The following TVP23B variants were observed in gnomAD, a reference collection of about 807,000 sequenced individuals.
TVP23B encodes Golgi apparatus membrane protein TVP23 homolog B.
Under a neutral mutation model 30.6 loss-of-function variants are expected in TVP23B, and 10 were observed. The observed-to-expected ratio is 0.33, with a 90% CI of 0.20 to 0.55. The LOEUF (loss-of-function observed/expected upper bound fraction) is 0.55. TVP23B is among the 20% of genes least tolerant of loss of function. The probability of loss-of-function intolerance (pLI) is 0.91; values close to 1 mark genes in which losing one functional copy is unlikely to be tolerated. For missense variants in TVP23B, 153 were observed against 243.2 expected, an observed-to-expected ratio of 0.63 and a Z score of 2.47; for synonymous variants, 67 against 83.1, an observed-to-expected ratio of 0.81 and a Z score of 1.06.
chr17:18,800,923 T>A (rs1448133867), intron 5 of TVP23B, among the ~76,000 whole-genome samples: 1 of 152,206 alleles, frequency 6.6e-6, no homozygotes. Flanking sequence ...AGTTCACTCT[T>A]ATGTCAGAGC....
Position 18,781,427 on chromosome 17 carries a change from C to T in TVP23B, c.12+122C>T, listed in dbSNP as rs1035183989. 6 of 1,499,170 alleles carry T rather than the reference C, an allele frequency of 4.0e-6. No individual in the cohort carries two copies. The African/African-American group carries it at 4.2e-5, about 10-fold the overall frequency. 92.9% of individuals were successfully genotyped at this position (1,499,170 alleles called of 1,614,324 possible). A position where few individuals can be genotyped will look rare whatever the true frequency, so the allele number is the denominator to read the frequency against. On this transcript the variant is annotated intron_variant, in intron 1 of 6. Transcript: ENST00000307767. Reference sequence around the variant, plus strand: ...CGAACTCGAGGAGGAGCGGGGCGGCCGGGAGTGGAGGGCTGTGGGTAGTTG... The same window carrying T: ...CGAACTCGAGGAGGAGCGGGGCGGCTGGGAGTGGAGGGCTGTGGGTAGTTG...
chr17:18,786,024 T>C (rs1268396130), intron 1 of TVP23B, among the ~76,000 whole-genome samples: 1 of 152,136 alleles, frequency 6.6e-6, no homozygotes, highest in Admixed American at 6.5e-5. Flanking sequence ...CTGATGCAGC[T>C]TCTAAACACC....
rs759884022 is a variant in TVP23B at position 18,790,980 on chromosome 17, C to T, written c.180C>T (p.Ser60=). 8.1e-6 allele frequency: 13 copies of T among 1,612,394 alleles called. No individual in the cohort carries two copies. Among genetic ancestry groups the T allele is most frequent in the Non-Finnish European group, 1.1e-5 (13 of 1,179,554 alleles). ...TTCTCTGTGGGTTGCTCAGCAGCAG[C>T]TTTATTACCTGTATGGTGACAATTA... The part of the protein sequence containing the change: ...VYLLCGLLSS[S]FITCMVTIIL... The change falls in exon 3 of 7, where the codon AGC becomes AGT. Residue 60 remains serine (S), a synonymous_variant. Transcript: ENST00000307767.
intron 5 of TVP23B, among the ~76,000 whole-genome samples, chr17:18,801,566 C>T (rs1254164217): frequency 6.6e-6 from 1 of 152,060 alleles, no homozygotes; most frequent in Non-Finnish European, 1.5e-5. Context: ...CTCTTGCTCT[C>T]TTGGCTGGGC....
chr17:18,798,910 T>C lies in TVP23B; in HGVS notation c.429T>C (p.Phe143=), dbSNP rs1419641433. Residue 143 remains phenylalanine (F), a synonymous_variant, in exon 5 of 7, where the codon TTT becomes TTC. Coordinates refer to ENST00000307767, the MANE Select transcript of TVP23B (RefSeq NM_016078.6). Reference sequence around the variant, plus strand: ...CAGTACTGTGGGTGATATTTGCTTTTAGTGCACTCTTCTCCTTCAGAGTAA... The same window carrying C: ...CAGTACTGTGGGTGATATTTGCTTTCAGTGCACTCTTCTCCTTCAGAGTAA... The part of the protein sequence containing the change: ...ACPVLWVIFA[F]SALFSFRVKW... 3 of 1,613,262 alleles carry C rather than the reference T, an allele frequency of 1.9e-6. No individual in the cohort carries two copies. Among genetic ancestry groups the C allele is most frequent in the Non-Finnish European group, 2.5e-6 (3 of 1,179,730 alleles).
chr17:18,791,991 AC>A, intron 3 of TVP23B, among the ~76,000 whole-genome samples: 1 of 152,338 alleles, frequency 6.6e-6, no homozygotes, highest in Non-Finnish European at 1.5e-5. Flanking sequence ...GTAAGATGTT[AC>A]AACCCTATTC....
intron 1 of TVP23B, among the ~76,000 whole-genome samples, chr17:18,786,454 G>T (rs1329630671): frequency 1.3e-5 from 2 of 150,928 alleles, no homozygotes; most frequent in African/African-American, 2.4e-5. Context: ...TTCAGTAGGG[G>T]AATGATAGGA....
intron 5 of TVP23B, among the ~76,000 whole-genome samples, chr17:18,802,837 T>TA (rs1348255160): frequency 6.6e-6 from 1 of 152,206 alleles, no homozygotes; most frequent in Non-Finnish European, 1.5e-5. Context: ...GGCATGTTGA[T>TA]ATATACATAC....
chr17:18,796,065 C>T (rs2151848940), intron 3 of TVP23B: 1 of 149,568 alleles, frequency 6.7e-6, no homozygotes, highest in South Asian at 2.1e-4. Flanking sequence ...CTAATAACTA[C>T]TTTCAAAGCA....
chr17:18,804,249 A>C lies in TVP23B; in HGVS notation c.574A>C (p.Lys192Gln). ...CAGCATGGCTACTTCATATTTTGGA[A>C]AGCAGTTTTTAAGACAAGTAAGTGT... ...LTSMATSYFG[K>Q]QFLRQNTGDD... Residue 192 changes from lysine (K) to glutamine (Q), a missense_variant, in exon 6 of 7, where the codon AAG becomes CAG. By Grantham distance (53) the Lys-to-Gln change is moderately conservative. Transcript: ENST00000307767. 1.2e-6 allele frequency: 2 copies of C among 1,605,280 alleles called. No homozygotes were observed. The highest frequency in any genetic ancestry group is 1.7e-4 in the Middle Eastern group (1 of 6,028).
At chr17:18,784,655 AAAG>A (rs1156879595) in intron 1 of TVP23B, among the ~76,000 whole-genome samples, 1 of 152,182 alleles carries the variant, frequency 6.6e-6, no homozygotes, top group Non-Finnish European at 1.5e-5. Flanking sequence ...GTCTCAAAAA[AAAG>A]AAAAAAAATA....
intron 5 of TVP23B, among the ~76,000 whole-genome samples, chr17:18,802,150 A>T (rs1272321937): frequency 6.6e-6 from 1 of 152,200 alleles, no homozygotes; most frequent in Non-Finnish European, 1.5e-5. Flanking sequence ...TGAACCCAGG[A>T]GGCAGAGTTT....
chr17:18,799,001 G>A (rs2036118003), intron 5 of TVP23B, 58 bp downstream of exon 5: 4 of 1,564,432 alleles, frequency 2.6e-6, no homozygotes, highest in Admixed American at 1.9e-5. Context: ...GGTAATCATA[G>A]GAAGCAACAA....
rs74745929 is a variant in TVP23B at position 18,781,221 on chromosome 17, C to T, written c.-73C>T. 1.3e-6 allele frequency: 2 copies of T among 1,543,502 alleles called. No homozygotes were observed. Among genetic ancestry groups the T allele is most frequent in the East Asian group, 4.9e-5 (2 of 41,044 alleles). On this transcript the variant is annotated 5_prime_UTR_variant, in exon 1 of 7. Coordinates refer to ENST00000307767, the MANE Select transcript of TVP23B (RefSeq NM_016078.6). ...CTGCTGGCCCTTGGTGACGGGTCGC[C>T]TCAGTTCCGACCCGGACCCGTACGC...
intron 3 of TVP23B, among the ~76,000 whole-genome samples, chr17:18,792,583 A>G (rs1359402537): frequency 6.6e-6 from 1 of 152,240 alleles, no homozygotes; most frequent in Non-Finnish European, 1.5e-5. Context: ...TGTTCAGCCA[A>G]ATAGAACATG....
intron 1 of TVP23B, among the ~76,000 whole-genome samples, chr17:18,786,083 T>TCA (rs1171773370): frequency 6.6e-6 from 1 of 152,192 alleles, no homozygotes. Context: ...TCTTCAAATC[T>TCA]CTGTCTCTCA....
At chr17:18,787,711 G>T (rs1185091723) in intron 1 of TVP23B, among the ~76,000 whole-genome samples, 1 of 152,204 alleles carries the variant, frequency 6.6e-6, no homozygotes, top group Admixed American at 6.5e-5. Context: ...AGACCATGTA[G>T]TAACAGTATT....
intron 5 of TVP23B, among the ~76,000 whole-genome samples, chr17:18,799,825 C>T (rs527367181): frequency 2.6e-5 from 4 of 151,348 alleles, no homozygotes; most frequent in Non-Finnish European, 5.9e-5. Flanking sequence ...TATGTTTTTC[C>T]TCCTAATTTG....
intron 1 of TVP23B, among the ~76,000 whole-genome samples, chr17:18,785,049 ACCAAG>A (rs2035878940): frequency 6.6e-6 from 1 of 152,138 alleles, no homozygotes; most frequent in South Asian, 2.1e-4. Context: ...TCCATCTTAG[ACCAAG>A]CCATTACTTC....
Sources: allele counts gnomAD v4.1 joint callset (sites outside exome capture counted in the v4.1 genomes callset), GRCh38; gene constraint gnomAD v4.1.1; transcripts MANE v1.5; gene names NCBI Gene and HGNC (gene_info 2026-07-23, HGNC 2026-07-21).